COG8: variants seen among roughly 807,000 people sequenced by gnomAD.
COG8 encodes the protein conserved oligomeric Golgi complex subunit 8.
COG8 carries 45 observed loss-of-function variants against 46.5 expected under a neutral mutation model. The observed-to-expected ratio is 0.97, with a 90% CI of 0.76 to 1.24. COG8 has a LOEUF of 1.24. COG8 is among the 50% of genes most tolerant of loss of function. The probability of loss-of-function intolerance (pLI) is 0.00; values close to 1 mark genes in which losing one functional copy is unlikely to be tolerated. For synonymous variants in COG8, 407 were observed against 347.8 expected (o/e 1.17, Z -1.90); for missense variants, 793 against 820.8 (o/e 0.97, Z 0.41).
At chr16:69,331,143 ACT>A (rs908466902) in intron 4 of COG8, 48 bp from the exon 5 acceptor site, 1 of 1,606,416 alleles carries the variant, frequency 6.2e-7, no homozygotes, top group Non-Finnish European at 8.5e-7. Flanking sequence ...TACTAATAAA[ACT>A]CAATATAGAA....
At position 69,334,610 on chromosome 16, in the gene COG8, T is replaced by A; in HGVS notation, c.1324A>T (p.Ile442Phe). 6.2e-7 allele frequency: 1 copy of A among 1,614,022 alleles called. No individual in the cohort carries two copies. The highest frequency in any genetic ancestry group is 1.1e-5 in the South Asian group (1 of 91,088). Reference sequence around the variant, plus strand: ...CGCAGATCATTGAAGGCAACCAGAATATTGTTGAGAAAGCAGGCGAGGGGT... The same window carrying A: ...CGCAGATCATTGAAGGCAACCAGAAAATTGTTGAGAAAGCAGGCGAGGGGT... ...FPPLACFLNN[I>F]LVAFNDLRLC... is the part of the protein sequence containing the mutation. Residue 442 changes from isoleucine (I) to phenylalanine (F), a missense_variant, in exon 3 of 6, where the codon ATT becomes TTT. Physicochemically the swap from Ile to Phe is conservative, Grantham distance 21 (BLOSUM62 0). Transcript: ENST00000306875.
rs751431041 is a variant in COG8 at position 69,335,234 on chromosome 16, G to A, written c.700C>T (p.Arg234Cys). 29 of 1,613,830 alleles carry A rather than the reference G, an allele frequency of 1.8e-5. No homozygotes were observed. Among genetic ancestry groups the A allele is most frequent in the Non-Finnish European group, 2.2e-5 (26 of 1,179,970 alleles). ...ACLRVIGYLRRMDVFTEAELR... is the reference protein window; with the variant it reads ...ACLRVIGYLRCMDVFTEAELR... ...TCAGCCTCAGTGAAGACGTCCATGCGCCGCAGGTAGCCAATGACACGGAGG... is the reference window on the plus strand; with the variant it reads ...TCAGCCTCAGTGAAGACGTCCATGCACCGCAGGTAGCCAATGACACGGAGG... Residue 234 changes from arginine to cysteine, a missense_variant, in exon 3 of 6, where the codon CGC becomes TGC. Coordinates refer to ENST00000306875, the MANE Select transcript of COG8 (RefSeq NM_032382.5).
intron 5 of COG8, chr16:69,330,201 C>A: frequency 6.9e-7 from 1 of 1,457,206 alleles, no homozygotes; most frequent in Non-Finnish European, 9.0e-7. Flanking sequence ...AGCTCCAGCG[C>A]CAGCACCTGC....
At chr16:69,330,033 C>T (rs1310851372) in intron 5 of COG8, 18 of 1,545,466 alleles carry the variant, frequency 1.2e-5, no homozygotes, top group Admixed American at 2.0e-5. Context: ...GGCACGCAGG[C>T]CAGGAAGCCG....
chr16:69,332,890 A>G lies in COG8; in HGVS notation c.1414-8T>C, dbSNP rs200963000. 1.2e-6 allele frequency: 2 copies of G among 1,614,002 alleles called. No homozygotes were observed. Among genetic ancestry groups the G allele is most frequent in the Non-Finnish European group, 1.7e-6 (2 of 1,179,986 alleles). On this transcript the variant is annotated splice_region_variant and splice_polypyrimidine_tract_variant and intron_variant, in intron 3 of 5. Transcript: ENST00000306875. ...CAGGATTATTTTAGTTACCTAAGAG[A>G]CAAGGGCACCGTCAATTACTGGGAC...
In COG8 at chr16:69,335,074, GTGA is replaced by G; in HGVS notation, c.857_859del (p.Ile286del). 3 of 1,614,224 alleles carry G rather than the reference GTGA, an allele frequency of 1.9e-6. No homozygotes were observed. Among genetic ancestry groups the G allele is most frequent in the Non-Finnish European group, 2.5e-6 (3 of 1,180,050 alleles). On this transcript the variant is annotated inframe_deletion, in exon 3 of 6. Transcript: ENST00000306875. The stretch of plus-strand genomic sequence containing the variant: ...GTCTGAGAAGATGGCACGGTACTGG[GTGA>G]TGATATCAAAGAGATGGACACGGGA...
In COG8 at chr16:69,330,408, G is replaced by T. The variant is rs1018502478; in HGVS notation, c.*26+405C>A. ...GGCGGTTCGGGAGGACCCAGCACCA[G>T]ACGCCTCAGGTGGCGCCAATAGGAG... On this transcript the variant is annotated intron_variant, in intron 5 of 5. Coordinates refer to ENST00000306875, the MANE Select transcript of COG8 (RefSeq NM_032382.5). 2.0e-6 allele frequency: 3 copies of T among 1,478,532 alleles called. No homozygotes were observed. The East Asian group carries it at 8.9e-5, about 44-fold the overall frequency. 91.6% of individuals were successfully genotyped at this position (1,478,532 alleles called of 1,614,324 possible). A position where few individuals can be genotyped will look rare whatever the true frequency, so the allele number is the denominator to read the frequency against.
rs2143318226 is a variant in COG8 at position 69,330,818 on chromosome 16, T to C, written c.*21A>G. On this transcript the variant is annotated 3_prime_UTR_variant, in exon 5 of 6. Coordinates refer to ENST00000306875, the MANE Select transcript of COG8 (RefSeq NM_032382.5). ...GCGCCGGGAACCTCACGCACCGCGT[T>C]CTGGAGGCAGGGGACGCCGGCTAGG... The C allele has an allele frequency of 2.0e-6, 3 of 1,530,136 alleles. No homozygotes were observed. Among genetic ancestry groups the C allele is most frequent in the East Asian group, 2.5e-5 (1 of 40,736 alleles). 94.8% of individuals were successfully genotyped at this position (1,530,136 alleles called of 1,614,324 possible). A position where few individuals can be genotyped will look rare whatever the true frequency, so the allele number is the denominator to read the frequency against.
chr16:69,338,903 T>C (rs955891885), intron 1 of COG8, among the ~76,000 whole-genome samples: 1 of 152,028 alleles, frequency 6.6e-6, no homozygotes, highest in Non-Finnish European at 1.5e-5. Context: ...GGCAGGAGAA[T>C]CGCTTGAACC....
rs1567428326 is a variant in COG8, at chr16:69,329,157, C to CTGTT, written c.*45_*48dup. 6.2e-7 allele frequency: 1 copy of CTGTT among 1,607,484 alleles called. No individual in the cohort carries two copies. Among genetic ancestry groups the CTGTT allele is most frequent in the South Asian group, 1.1e-5 (1 of 90,308 alleles). On this transcript the variant is annotated 3_prime_UTR_variant, in exon 6 of 6. Transcript: ENST00000306875. ...CCCACCCGCTCGCCTGCCACACCAC[C>CTGTT]TGTTCTCCATTGGGGTCCAGCCCTG...
intron 1 of COG8, chr16:69,338,597 G>A (rs1196111714): frequency 2.0e-5 from 3 of 153,356 alleles, no homozygotes; most frequent in Admixed American, 1.9e-4. Context: ...GCCCTTCGAG[G>A]GAGGGACGTG....
chr16:69,330,105 G>A (rs760697721), intron 5 of COG8: 2 of 1,583,392 alleles, frequency 1.3e-6, no homozygotes, highest in Non-Finnish European at 1.7e-6. Context: ...CGCAGGCTGG[G>A]GTTCACGAAC....
Position 69,330,613 on chromosome 16 carries a change from C to T in COG8, c.*26+200G>A, listed in dbSNP as rs1366281698. 7.8e-6 allele frequency: 11 copies of T among 1,409,756 alleles called. No homozygotes were observed. The East Asian group carries it at 2.0e-4, about 25-fold the overall frequency. 87.3% of individuals were successfully genotyped at this position (1,409,756 alleles called of 1,614,324 possible). ...TGACCCGGCCCGCCCCTTCCGGCCG[C>T]AGCGCGGGGCACGCCGGGAAGCGCC... On this transcript the variant is annotated intron_variant, in intron 5 of 5. Coordinates refer to ENST00000306875, the MANE Select transcript of COG8 (RefSeq NM_032382.5).
rs2012113050 is a variant in COG8 at position 69,334,981 on chromosome 16, C to T, written c.953G>A (p.Trp318Ter). 2 of 1,614,176 alleles carry T rather than the reference C, an allele frequency of 1.2e-6. No individual in the cohort carries two copies. Among genetic ancestry groups the T allele is most frequent in the East Asian group, 2.2e-5 (1 of 44,882 alleles). Reference protein sequence around the residue: ...TVNESAIFHGWVLQKVSQFLQ... With the variant: ...TVNESAIFHG ...GAATTGTGAGACCTTCTGTAGCACC[C>T]AGCCATGGAAGATGGCACTCTCATT... is the stretch of plus-strand genomic sequence containing the variant. Residue 318 changes from tryptophan (W) to a stop codon, truncating the protein, a stop_gained, in exon 3 of 6, where the codon TGG becomes TAG. Coordinates refer to ENST00000306875, the MANE Select transcript of COG8 (RefSeq NM_032382.5). LOFTEE classifies it high-confidence loss of function.
At chr16:69,330,218 AC>A (rs1400398930) in intron 5 of COG8, 2 of 1,450,854 alleles carry the variant, frequency 1.4e-6, no homozygotes, top group South Asian at 1.4e-5. Flanking sequence ...CTGCCGCGGC[AC>A]CCCCAGCTGC....
chr16:69,332,826 C>G lies in COG8; in HGVS notation c.1470G>C (p.Gly490=). 6.2e-7 allele frequency: 1 copy of G among 1,614,208 alleles called. No individual in the cohort carries two copies. Among genetic ancestry groups the G allele is most frequent in the Non-Finnish European group, 8.5e-7 (1 of 1,180,036 alleles). The change falls in exon 4 of 6, where the codon GGG becomes GGC. Residue 490 remains glycine (G), a synonymous_variant. Coordinates refer to ENST00000306875, the MANE Select transcript of COG8 (RefSeq NM_032382.5). The stretch of plus-strand genomic sequence containing the variant: ...AGAACTGGACAAAGAGCTCTTGCTC[C>G]CCGCTGCTGAAGGCAGCCTCTTCAG... The part of the protein sequence containing the change: ...HRAEEAAFSS[G]EQELFVQFCT...
Position 69,335,013 on chromosome 16 carries a change from G to A in COG8, c.921C>T (p.His307=). Residue 307 remains histidine, a synonymous_variant, in exon 3 of 6, where the codon CAC becomes CAT. Transcript: ENST00000306875. ...DPLLPPAMGE[H]TVNESAIFHG... ...GGAAGATGGCACTCTCATTCACAGT[G>A]TGCTCACCCATGGCAGGGGGCAGCA... 1 of 1,614,206 alleles carries A rather than the reference G, an allele frequency of 6.2e-7. No homozygotes were observed. Among genetic ancestry groups the A allele is most frequent in the Non-Finnish European group, 8.5e-7 (1 of 1,180,038 alleles).
chr16:69,334,532 C>T lies in COG8; in HGVS notation c.1402G>A (p.Ala468Thr). ...CAGAATGTGCTCACCTTGGCAAGGG[C>T]ATCTTCCAAGGCCCCAGTCACATCC... ...AQDVTGALED[A>T]LAKVTKIILA... The change falls in exon 3 of 6, where the codon GCC becomes ACC. Residue 468 changes from alanine to threonine, a missense_variant. Ala to Thr is a moderately conservative substitution (Grantham distance 58, BLOSUM62 0). Coordinates refer to ENST00000306875, the MANE Select transcript of COG8 (RefSeq NM_032382.5). The T allele has an allele frequency of 6.2e-7, 1 of 1,614,108 alleles. No homozygotes were observed. The highest frequency in any genetic ancestry group is 1.3e-5 in the African/African-American group (1 of 75,044).
In COG8 at chr16:69,336,500, GC is replaced by G; in HGVS notation, c.585+4del. The G allele has an allele frequency of 6.2e-7, 1 of 1,613,750 alleles. No individual in the cohort carries two copies. The highest frequency in any genetic ancestry group is 1.7e-5 in the Admixed American group (1 of 60,018). On this transcript the variant is annotated splice_donor_region_variant and intron_variant, in intron 2 of 5. Coordinates refer to ENST00000306875, the MANE Select transcript of COG8 (RefSeq NM_032382.5). ...CTTTGAGTCCTCTCTGGGCAAGGTG[GC>G]TACCTGGATGACAGGGATGGAAGAG...
Sources: gnomAD v4.1 joint callset for allele counts (sites outside exome capture counted in the v4.1 genomes callset) on GRCh38, gnomAD v4.1.1 for gene constraint, MANE v1.5 for transcripts, NCBI Gene and HGNC (gene_info 2026-07-23, HGNC 2026-07-21) for gene names.